PICALM: variants seen among roughly 807,000 people sequenced by gnomAD.
PICALM encodes the protein phosphatidylinositol binding clathrin assembly protein.
A neutral mutation model predicts 80.5 loss-of-function variants in PICALM; 40 were observed. That is an observed-to-expected ratio of 0.50 (90% CI 0.39 to 0.65). The LOEUF (loss-of-function observed/expected upper bound fraction) is 0.65, where lower values mean the gene tolerates loss of function less well. PICALM is among the 30% of genes least tolerant of loss of function. The probability of loss-of-function intolerance (pLI) is 0.00; values close to 1 mark genes in which losing one functional copy is unlikely to be tolerated. For synonymous variants in PICALM, 288 were observed against 260.3 expected, an observed-to-expected ratio of 1.11 and a Z score of -1.02; for missense variants, 676 against 778.9, an observed-to-expected ratio of 0.87 and a Z score of 1.57.
At chr11:86,017,512 T>C (rs1483106517) in intron 4 of PICALM, among the ~76,000 whole-genome samples, 2 of 152,224 alleles carry the variant, frequency 1.3e-5, no homozygotes, top group African/African-American at 2.4e-5. Flanking sequence ...TTGTTGAGTG[T>C]TTGTTATGTG....
intron 19 of PICALM, among the ~76,000 whole-genome samples, chr11:85,960,340 AGG>A (rs2093648149): frequency 1.3e-5 from 2 of 152,228 alleles, no homozygotes; most frequent in Non-Finnish European, 2.9e-5. Flanking sequence ...CAGCAAACAG[AGG>A]CAGTGTGGAT....
At chr11:85,968,888 A>G (rs1191627131) in intron 19 of PICALM, among the ~76,000 whole-genome samples, 2 of 152,062 alleles carry the variant, frequency 1.3e-5, no homozygotes, top group South Asian at 2.1e-4. Flanking sequence ...CAGAAAAACA[A>G]TAGTATCTGT....
At chr11:86,042,738 CAA>C (rs1296050532) in intron 1 of PICALM, among the ~76,000 whole-genome samples, 1 of 150,686 alleles carries the variant, frequency 6.6e-6, no homozygotes, top group Non-Finnish European at 1.5e-5. Flanking sequence ...AGTCAACTAA[CAA>C]TACATTGAGA....
At chr11:86,051,198 C>T (rs1453700280) in intron 1 of PICALM, among the ~76,000 whole-genome samples, 3 of 152,006 alleles carry the variant, frequency 2.0e-5, no homozygotes, top group African/African-American at 7.2e-5. Context: ...AAGGACCAAG[C>T]CTACAACAAA....
intron 3 of PICALM, 44 bp from the exon 4 acceptor site, chr11:86,022,513 GT>G: frequency 1.9e-6 from 2 of 1,046,658 alleles, no homozygotes; most frequent in Non-Finnish European, 1.4e-6. Context: ...AGAGAGACAA[GT>G]TTTTATAAAT....
At chr11:86,050,320 A>C (rs1281367328) in intron 1 of PICALM, among the ~76,000 whole-genome samples, 1 of 152,098 alleles carries the variant, frequency 6.6e-6, no homozygotes, top group Non-Finnish European at 1.5e-5. Flanking sequence ...AATAACTCAA[A>C]ACTAGATGTA....
chr11:86,068,335 G>A (rs1331393178), intron 1 of PICALM, among the ~76,000 whole-genome samples: 1 of 152,204 alleles, frequency 6.6e-6, no homozygotes, highest in African/African-American at 2.4e-5. Flanking sequence ...GAGACGGGTA[G>A]GGGGTGAGAA....
intron 7 of PICALM, among the ~76,000 whole-genome samples, chr11:86,009,062 T>G (rs999136823): frequency 6.6e-6 from 1 of 151,526 alleles, no homozygotes; most frequent in African/African-American, 2.4e-5. Flanking sequence ...CAGAGCACTT[T>G]GGGAGGCCAG....
chr11:86,052,862 C>G (rs550199173), intron 1 of PICALM, among the ~76,000 whole-genome samples: 1 of 152,300 alleles, frequency 6.6e-6, no homozygotes, highest in South Asian at 2.1e-4. Flanking sequence ...TCTCACAGTC[C>G]AAAAGCACCC....
At chr11:85,994,891 A>T (rs1002049666) in intron 12 of PICALM, among the ~76,000 whole-genome samples, 4 of 152,164 alleles carry the variant, frequency 2.6e-5, no homozygotes, top group African/African-American at 9.7e-5. Flanking sequence ...TTTAGTAGAG[A>T]CAGGGTTTTG....
chr11:86,060,305 T>A lies in PICALM; in HGVS notation c.130+8346A>T, dbSNP rs551880132. 5.3e-5 allele frequency among the ~76,000 whole-genome samples: 8 copies of A among 152,340 alleles called. No homozygotes were observed. The South Asian group carries it at 1.7e-3, about 32-fold the overall frequency. On this transcript the variant is annotated intron_variant, in intron 1 of 19. Transcript: ENST00000393346. ...TCTACCAATATTTACTGTTAGAAAC[T>A]GAAACTGATAAATTTATCAACATTA...
rs763255182 is a variant in PICALM at position 86,037,259 on chromosome 11, A to ATTTT, written c.131-5652_131-5649dup. The stretch of plus-strand genomic sequence containing the variant: ...CACACCCAGCCAAAAAAAAAAGAAA[A>ATTTT]TTTTTTTTTTTTTTTTTTGAGACGG... On this transcript the variant is annotated intron_variant, in intron 1 of 19. Transcript: ENST00000393346. Among the ~76,000 whole-genome samples, 33 of 106,038 alleles carry ATTTT rather than the reference A, an allele frequency of 3.1e-4. 2 individuals carry two copies. The highest frequency in any genetic ancestry group is 6.0e-4 in the African/African-American group (15 of 24,956). 69.6% of individuals were successfully genotyped at this position (106,038 alleles called of 152,430 possible).
chr11:85,969,324 G>GT (rs2094020068), intron 19 of PICALM, among the ~76,000 whole-genome samples: 2 of 152,180 alleles, frequency 1.3e-5, no homozygotes, highest in Admixed American at 1.3e-4. Context: ...TATGCCTTAG[G>GT]TAAGTAACAG....
At chr11:86,015,686 T>C (rs565516316) in intron 4 of PICALM, among the ~76,000 whole-genome samples, 9 of 152,310 alleles carry the variant, frequency 5.9e-5, no homozygotes, top group Non-Finnish European at 1.0e-4. Flanking sequence ...ACACAACTAA[T>C]ATTAAGAGCT....
chr11:86,061,861 T>C (rs2096371416), intron 1 of PICALM, among the ~76,000 whole-genome samples: 1 of 151,998 alleles, frequency 6.6e-6, no homozygotes, highest in South Asian at 2.1e-4. Flanking sequence ...GCAACCAAGA[T>C]GTCCTTCAGT....
intron 1 of PICALM, among the ~76,000 whole-genome samples, chr11:86,035,947 C>CAAAAAAAAAAAAAAAAAA (rs543040504): frequency 4.5e-5 from 3 of 66,496 alleles, no homozygotes; most frequent in African/African-American, 5.9e-5. Context: ...GACTCTGCCT[C>CAAAAAAAAAAAAAAAAAA]AAAAAAAAAA....
chr11:86,052,383 T>C (rs1284536541), intron 1 of PICALM, among the ~76,000 whole-genome samples: 2 of 152,222 alleles, frequency 1.3e-5, no homozygotes, highest in Non-Finnish European at 2.9e-5. Context: ...AGCACGAGAA[T>C]AGACTAATAC....
chr11:86,016,053 A>G (rs1249041844), intron 4 of PICALM, among the ~76,000 whole-genome samples: 1 of 152,238 alleles, frequency 6.6e-6, no homozygotes, highest in Non-Finnish European at 1.5e-5. Flanking sequence ...CTCAAGTGCT[A>G]AACAGCATTG....
chr11:86,056,106 G>C (rs140644631), intron 1 of PICALM, among the ~76,000 whole-genome samples: 1,212 of 120,880 alleles, frequency 0.01, 35 homozygotes, highest in East Asian at 0.064. Context: ...CTGCACTCTA[G>C]CCTGGGTGAC....
Sources: gnomAD v4.1 joint callset for allele counts (sites outside exome capture counted in the v4.1 genomes callset) on GRCh38, gnomAD v4.1.1 for gene constraint, MANE v1.5 for transcripts, NCBI Gene and HGNC (gene_info 2026-07-23, HGNC 2026-07-21) for gene names.